The following UGT2A1 variants were observed in gnomAD, a reference collection of about 807,000 sequenced individuals.
The protein encoded by UGT2A1 is UDP glucuronosyltransferase family 2 member A1 complex locus, also known as UDP-glucuronosyltransferase 2A1.
In UGT2A1, 61 loss-of-function variants were observed where a neutral mutation model predicts 45.4. The ratio of observed to expected loss-of-function variants is 1.34; its 90% CI spans 1.09 to 1.66. The LOEUF (loss-of-function observed/expected upper bound fraction) is 1.66, where lower values mean the gene tolerates loss of function less well. UGT2A1 is among the 40% of genes most tolerant of loss of function. UGT2A1 has a pLI of 0.00. For synonymous variants in UGT2A1, 229 were observed against 196.2 expected (o/e 1.17, Z -1.40); for missense variants, 649 against 574.3 (o/e 1.13, Z -1.33).
At chr4:69,590,389 G>A (rs1390401043) in intron 6 of UGT2A1, among the ~76,000 whole-genome samples, 1 of 152,178 alleles carries the variant, frequency 6.6e-6, no homozygotes, top group Non-Finnish European at 1.5e-5. Flanking sequence ...ATATTTAAAA[G>A]GCAAACTGTG....
At chr4:69,600,548 CCA>C (rs1297888696) in intron 3 of UGT2A1, among the ~76,000 whole-genome samples, 1 of 152,138 alleles carries the variant, frequency 6.6e-6, no homozygotes, top group Non-Finnish European at 1.5e-5. Context: ...GGCCTGAAAG[CCA>C]CAGTTTCCAT....
intron 3 of UGT2A1, among the ~76,000 whole-genome samples, chr4:69,600,728 A>G (rs1719233773): frequency 6.6e-6 from 1 of 152,082 alleles, no homozygotes; most frequent in Non-Finnish European, 1.5e-5. Flanking sequence ...TAATCATGGC[A>G]GAAGGCAACA....
intron 2 of UGT2A1, among the ~76,000 whole-genome samples, chr4:69,646,378 T>G (rs1374742244): frequency 6.6e-6 from 1 of 151,798 alleles, no homozygotes; most frequent in Non-Finnish European, 1.5e-5. Context: ...TTAAGCAAAT[T>G]AAATAAGCTT....
intron 5 of UGT2A1, among the ~76,000 whole-genome samples, chr4:69,594,918 T>C (rs1450319934): frequency 6.6e-6 from 1 of 152,072 alleles, no homozygotes; most frequent in Non-Finnish European, 1.5e-5. Flanking sequence ...ACTGAGGAGA[T>C]GATATCTGAA....
rs1458206111 is a variant in UGT2A1 at position 69,599,969 on chromosome 4, C to T, written c.848-575G>A. On this transcript the variant is annotated intron_variant, in intron 3 of 6. Coordinates refer to ENST00000286604, the MANE Select transcript of UGT2A1 (RefSeq NM_001252275.3). ...AATCAGAGGCATTGCTAGCATGCCT[C>T]TCCCACTTGAAAAGACAATATAGTG... Among the ~76,000 whole-genome samples the T allele has an allele frequency of 3.9e-5, 6 of 152,186 alleles. No homozygotes were observed. The East Asian group carries it at 1.2e-3, about 29-fold the overall frequency.
rs564650952 is a variant in UGT2A1 at position 69,637,096 on chromosome 4, T to A, written c.716-1274A>T. 4.6e-5 allele frequency among the ~76,000 whole-genome samples: 7 copies of A among 152,272 alleles called. 1 individual carries two copies. Among genetic ancestry groups the A allele is most frequent in the African/African-American group, 1.4e-4 (6 of 41,560 alleles). ...TTTCAAATGTCTTGAGACATACTCA[T>A]GTGAATTATACCCAAATTAAAAGAA... On this transcript the variant is annotated intron_variant, in intron 2 of 6. Transcript: ENST00000286604.
At chr4:69,606,373 CG>C (rs1719613001) in intron 3 of UGT2A1, among the ~76,000 whole-genome samples, 1 of 136,386 alleles carries the variant, frequency 7.3e-6, no homozygotes, top group Non-Finnish European at 1.6e-5. Context: ...AATTCAACAA[CG>C]CTTCATGCTA....
At chr4:69,653,093 C>T (rs1388044334) in intron 1 of UGT2A1, 95 bp downstream of exon 1, 6 of 151,934 alleles carry the variant, frequency 3.9e-5, no homozygotes, top group East Asian at 1.9e-4. Context: ...GGTAAACCAG[C>T]GTTTTAAAGA....
intron 2 of UGT2A1, chr4:69,639,526 C>T: frequency 6.2e-7 from 1 of 1,613,210 alleles, no homozygotes; most frequent in Non-Finnish European, 8.5e-7. Flanking sequence ...CAATGGCTAC[C>T]ATCTGTAGGC....
intron 2 of UGT2A1, among the ~76,000 whole-genome samples, chr4:69,640,863 G>C (rs1722014062): frequency 6.6e-6 from 1 of 151,774 alleles, no homozygotes. Flanking sequence ...AAACAAGGCA[G>C]CCAGAGAAGA....
At chr4:69,599,102 G>A in intron 4 of UGT2A1, 144 bp downstream of exon 4, 2 of 1,217,262 alleles carry the variant, frequency 1.6e-6, no homozygotes, top group South Asian at 3.8e-5. Context: ...ACTTGTAGGA[G>A]ACCTCTATCA....
At chr4:69,623,858 AG>A (rs1408080872) in intron 3 of UGT2A1, among the ~76,000 whole-genome samples, 1 of 151,680 alleles carries the variant, frequency 6.6e-6, no homozygotes, top group African/African-American at 2.4e-5. Flanking sequence ...TAAAGACTTG[AG>A]CAAAAGCATT....
At chr4:69,596,477 T>C (rs1718940653) in intron 4 of UGT2A1, 3 of 1,351,644 alleles carry the variant, frequency 2.2e-6, no homozygotes, top group Non-Finnish European at 2.9e-6. Context: ...AAGATATATG[T>C]CAGAGAAACT....
chr4:69,614,461 A>AAT (rs1553905296), intron 3 of UGT2A1, among the ~76,000 whole-genome samples: 5 of 151,580 alleles, frequency 3.3e-5, no homozygotes, highest in East Asian at 3.9e-4. Context: ...CAAATTAAAA[A>AAT]ATATATATAT....
Position 69,647,612 on chromosome 4 carries a change from C to G in UGT2A1, c.33G>C (p.Gln11His), listed in dbSNP as rs765106421. The G allele has an allele frequency of 2.5e-6, 4 of 1,598,474 alleles. No homozygotes were observed. Among genetic ancestry groups the G allele is most frequent in the Non-Finnish European group, 3.4e-6 (4 of 1,173,310 alleles). The change falls in exon 2 of 7, where the codon CAG becomes CAC. Residue 11 changes from glutamine to histidine, a missense_variant. Physicochemically the swap from Gln to His is conservative, Grantham distance 24. Coordinates refer to ENST00000286604, the MANE Select transcript of UGT2A1 (RefSeq NM_001252275.3). ...CAAGAGTGGTTCCTATGAGACTTAT[C>G]TGAAGGGAGAACAGCAGAAGGTTGT... Reference protein sequence around the residue: MLNNLLLFSLQISLIGTTLGG... With the variant: MLNNLLLFSLHISLIGTTLGG...
chr4:69,632,498 A>C (rs570917061), intron 3 of UGT2A1, among the ~76,000 whole-genome samples: 50 of 152,268 alleles, frequency 3.3e-4, no homozygotes, highest in African/African-American at 1.2e-3. Flanking sequence ...CACGGAGGAT[A>C]ATTTCTATTT....
At chr4:69,604,395 C>A (rs937021786) in intron 3 of UGT2A1, among the ~76,000 whole-genome samples, 2 of 136,286 alleles carry the variant, frequency 1.5e-5, no homozygotes, top group Non-Finnish European at 3.1e-5. Context: ...CCACCAGGCC[C>A]GCCCTAAAAG....
At chr4:69,626,833 G>C (rs1188416622) in intron 3 of UGT2A1, among the ~76,000 whole-genome samples, 1 of 151,058 alleles carries the variant, frequency 6.6e-6, no homozygotes, top group Admixed American at 6.6e-5. Flanking sequence ...TATTTATTTT[G>C]CTTCTCAAAT....
At chr4:69,600,365 G>A (rs1719207315) in intron 3 of UGT2A1, among the ~76,000 whole-genome samples, 1 of 152,186 alleles carries the variant, frequency 6.6e-6, no homozygotes, top group Non-Finnish European at 1.5e-5. Flanking sequence ...GGACCTTGCG[G>A]AAGTCTGTCA....
Sources: gnomAD v4.1 joint callset for allele counts (sites outside exome capture counted in the v4.1 genomes callset) on GRCh38, gnomAD v4.1.1 for gene constraint, MANE v1.5 for transcripts, NCBI Gene and HGNC (gene_info 2026-07-23, HGNC 2026-07-21) for gene names.